The following PPP2R5A variants were observed in gnomAD, a reference collection of about 807,000 sequenced individuals.
The protein encoded by PPP2R5A is protein phosphatase 2 regulatory subunit B'alpha, also known as serine/threonine-protein phosphatase 2A 56 kDa regulatory subunit alpha isoform.
Under a neutral mutation model 64.2 loss-of-function variants are expected in PPP2R5A, and 25 were observed. The ratio of observed to expected loss-of-function variants is 0.39; its 90% CI spans 0.28 to 0.54. The LOEUF is 0.54. Ranked by LOEUF, PPP2R5A falls within the 20% of genes least tolerant of loss-of-function variation. The probability of loss-of-function intolerance (pLI) is 0.67; values close to 1 mark genes in which losing one functional copy is unlikely to be tolerated. For missense variants in PPP2R5A, 425 were observed against 576.3 expected, an observed-to-expected ratio of 0.74 and a Z score of 2.69; for synonymous variants, 198 against 201.2, an observed-to-expected ratio of 0.98 and a Z score of 0.13.
chr1:212,295,411 A>G (rs1391879323), intron 1 of PPP2R5A, among the ~76,000 whole-genome samples: 1 of 152,252 alleles, frequency 6.6e-6, no homozygotes, highest in Non-Finnish European at 1.5e-5. Flanking sequence ...CGAAGTGTCC[A>G]TGGGAAATTG....
At chr1:212,303,092 C>A (rs1253438001) in intron 1 of PPP2R5A, among the ~76,000 whole-genome samples, 1 of 152,046 alleles carries the variant, frequency 6.6e-6, no homozygotes, top group Non-Finnish European at 1.5e-5. Context: ...GTTTTCATTT[C>A]TCTTGGGTAT....
At chr1:212,289,773 T>C (rs1437927607) in intron 1 of PPP2R5A, among the ~76,000 whole-genome samples, 2 of 152,196 alleles carry the variant, frequency 1.3e-5, no homozygotes, top group Non-Finnish European at 2.9e-5. Context: ...AAATGAAGGA[T>C]TATTAATAGG....
chr1:212,347,699 C>A (rs1243609522), intron 6 of PPP2R5A, among the ~76,000 whole-genome samples: 1 of 151,986 alleles, frequency 6.6e-6, no homozygotes, highest in Non-Finnish European at 1.5e-5. Context: ...GCCACCACAC[C>A]CAACGAATTT....
chr1:212,355,030 CA>C (rs1227977201), intron 8 of PPP2R5A, among the ~76,000 whole-genome samples: 2 of 152,154 alleles, frequency 1.3e-5, no homozygotes, highest in Non-Finnish European at 2.9e-5. Context: ...AACGTATCCC[CA>C]TCATTAAATG....
intron 1 of PPP2R5A, among the ~76,000 whole-genome samples, chr1:212,311,199 T>C (rs1051937704): frequency 6.6e-6 from 1 of 152,186 alleles, no homozygotes; most frequent in Non-Finnish European, 1.5e-5. Flanking sequence ...CTGCCAGGCA[T>C]GGTGGCTCAA....
At chr1:212,356,797 C>G (rs1199695578) in intron 9 of PPP2R5A, 121 bp downstream of exon 9, 1 of 1,313,212 alleles carries the variant, frequency 7.6e-7, no homozygotes, top group Non-Finnish European at 1.0e-6. Context: ...TGTACACAGA[C>G]TTGGTAGAAG....
At chr1:212,313,961 A>G (rs1387273024) in intron 1 of PPP2R5A, 3 of 152,246 alleles carry the variant, frequency 2.0e-5, no homozygotes, top group Admixed American at 6.5e-5. Flanking sequence ...TATTCCTTGT[A>G]TAGATTCATT....
intron 1 of PPP2R5A, among the ~76,000 whole-genome samples, chr1:212,322,577 A>C (rs1659327460): frequency 6.6e-6 from 1 of 152,158 alleles, no homozygotes. Flanking sequence ...TGAACCTACA[A>C]GTAGGCCAGC....
Position 212,309,473 on chromosome 1 carries a change from C to A in PPP2R5A, c.182-19662C>A. ...GCCTTTAAAGCCTTCGCTTTGTCTT[C>A]GGCTTTAGAAGGGGCAGGAGCTTCC... On this transcript the variant is annotated intron_variant, in intron 1 of 12. Coordinates refer to ENST00000261461, the MANE Select transcript of PPP2R5A (RefSeq NM_006243.4). 3 of 860,982 alleles carry A rather than the reference C, an allele frequency of 3.5e-6. No homozygotes were observed. The Admixed American group carries it at 5.1e-5, about 15-fold the overall frequency. 53.3% of individuals were successfully genotyped at this position (860,982 alleles called of 1,614,324 possible). A position where few individuals can be genotyped will look rare whatever the true frequency, so the allele number is the denominator to read the frequency against.
intron 4 of PPP2R5A, among the ~76,000 whole-genome samples, chr1:212,344,786 G>A (rs1659744805): frequency 1.3e-5 from 2 of 152,078 alleles, no homozygotes; most frequent in Non-Finnish European, 2.9e-5. Flanking sequence ...GCAGAATATA[G>A]GAGTACACTG....
Position 212,320,771 on chromosome 1 carries a change from G to A in PPP2R5A, c.182-8364G>A, listed in dbSNP as rs1485921820. Among the ~76,000 whole-genome samples, 13 of 129,236 alleles carry A rather than the reference G, an allele frequency of 1.0e-4. 1 individual carries two copies. Among genetic ancestry groups the A allele is most frequent in the Non-Finnish European group, 1.5e-4 (9 of 60,632 alleles). 84.8% of individuals were successfully genotyped at this position (129,236 alleles called of 152,430 possible). On this transcript the variant is annotated intron_variant, in intron 1 of 12. Transcript: ENST00000261461. ...CCAGTAGGGGCGGCCGGGCAGAGGC[G>A]CCCCTCACCTCCCGGATGGTGCGGC...
At chr1:212,305,402 T>C (rs1383317323) in intron 1 of PPP2R5A, among the ~76,000 whole-genome samples, 1 of 152,154 alleles carries the variant, frequency 6.6e-6, no homozygotes, top group Non-Finnish European at 1.5e-5. Flanking sequence ...ATTTCTGTTC[T>C]TTTAAAATTT....
chr1:212,286,089 G>T lies in PPP2R5A; in HGVS notation c.-22G>T, dbSNP rs1206388017. 1.3e-6 allele frequency: 2 copies of T among 1,534,018 alleles called. No individual in the cohort carries two copies. The highest frequency in any genetic ancestry group is 8.7e-7 in the Non-Finnish European group (1 of 1,144,416). On this transcript the variant is annotated 5_prime_UTR_variant, in exon 1 of 13. Coordinates refer to ENST00000261461, the MANE Select transcript of PPP2R5A (RefSeq NM_006243.4). ...TGCCTTGCAAGCAGCAGCCGGAGCT[G>T]CCAAGCGTCAGGGCCGCGGAGATGT...
At chr1:212,312,342 G>A (rs1468284963) in intron 1 of PPP2R5A, among the ~76,000 whole-genome samples, 1 of 152,178 alleles carries the variant, frequency 6.6e-6, no homozygotes, top group Non-Finnish European at 1.5e-5. Context: ...TTTAAGTGAT[G>A]CATGACTGTA....
At chr1:212,345,260 C>T (rs950405997) in intron 4 of PPP2R5A, among the ~76,000 whole-genome samples, 1 of 150,992 alleles carries the variant, frequency 6.6e-6, no homozygotes, top group Admixed American at 6.6e-5. Flanking sequence ...ATATTTTATT[C>T]TAATAACTGA....
At position 212,350,740 on chromosome 1, in the gene PPP2R5A, C is replaced by T. The variant is rs528527195; in HGVS notation, c.927+1498C>T. 2.6e-5 allele frequency among the ~76,000 whole-genome samples: 4 copies of T among 151,990 alleles called. No homozygotes were observed. The East Asian group carries it at 7.7e-4, about 29-fold the overall frequency. ...AAGAAAAAGAAAACCCATAATAACA[C>T]ATATTGAAAAGTCATGGTTCATGCT... On this transcript the variant is annotated intron_variant, in intron 8 of 12. Transcript: ENST00000261461.
intron 3 of PPP2R5A, among the ~76,000 whole-genome samples, chr1:212,336,675 G>A (rs1042679154): frequency 3.9e-5 from 6 of 152,138 alleles, no homozygotes; most frequent in African/African-American, 1.2e-4. Context: ...TTGTAGCTAC[G>A]TTATTAATCA....
At chr1:212,287,447 A>G (rs1379475267) in intron 1 of PPP2R5A, among the ~76,000 whole-genome samples, 1 of 152,188 alleles carries the variant, frequency 6.6e-6, no homozygotes, top group East Asian at 1.9e-4. Context: ...TTTGGCAAGG[A>G]GTCTAAAGAA....
intron 1 of PPP2R5A, among the ~76,000 whole-genome samples, chr1:212,314,793 T>G (rs1659114183): frequency 6.6e-6 from 1 of 152,096 alleles, no homozygotes; most frequent in Middle Eastern, 3.4e-3. Context: ...AACTCCTGAC[T>G]TGAAGTGATC....
Sources: allele counts gnomAD v4.1 joint callset (sites outside exome capture counted in the v4.1 genomes callset), GRCh38; gene constraint gnomAD v4.1.1; transcripts MANE v1.5; gene names NCBI Gene and HGNC (gene_info 2026-07-23, HGNC 2026-07-21).